Variants in TENM2 observed in about 807,000 individuals in gnomAD.
The protein encoded by TENM2 is teneurin transmembrane protein 2, also known as teneurin-2.
TENM2 carries 52 observed loss-of-function variants against 245.2 expected under a neutral mutation model. The ratio of observed to expected loss-of-function variants is 0.21; its 90% CI spans 0.17 to 0.27. The LOEUF (loss-of-function observed/expected upper bound fraction) is 0.27, where lower values mean the gene tolerates loss of function less well. Among genes scored for constraint, TENM2 ranks in the 10% least tolerant of loss-of-function variants. The probability of loss-of-function intolerance (pLI) is 1.00; values close to 1 mark genes in which losing one functional copy is unlikely to be tolerated. For missense variants in TENM2, 3,046 were observed against 3,666.8 expected (o/e 0.83, Z 4.37); for synonymous variants, 1,363 against 1,438.9 (o/e 0.95, Z 1.19).
intron 2 of TENM2, among the ~76,000 whole-genome samples, chr5:167,537,212 G>A (rs892563292): frequency 7.7e-6 from 1 of 130,344 alleles, no homozygotes; most frequent in Non-Finnish European, 1.5e-5. Flanking sequence ...AGGAGTTTGA[G>A]ACCAGCCTGG....
chr5:168,013,422 G>A (rs1429291361), intron 5 of TENM2, among the ~76,000 whole-genome samples: 1 of 152,158 alleles, frequency 6.6e-6, no homozygotes, highest in Admixed American at 6.5e-5. Flanking sequence ...TGGCCAACAT[G>A]GTGAAACCCC....
At chr5:167,779,669 A>G (rs948250996) in intron 2 of TENM2, among the ~76,000 whole-genome samples, 2 of 152,250 alleles carry the variant, frequency 1.3e-5, no homozygotes, top group Non-Finnish European at 2.9e-5. Context: ...ACTGAGTTTT[A>G]GGATATGTAT....
chr5:168,199,220 A>C, intron 16 of TENM2, 106 bp downstream of exon 18: 2 of 1,208,256 alleles, frequency 1.7e-6, no homozygotes, highest in Non-Finnish European at 2.3e-6. Flanking sequence ...GTAGGGGAGT[A>C]AAAAAAGTGG....
intron 2 of TENM2, among the ~76,000 whole-genome samples, chr5:167,500,209 A>G (rs1470513826): frequency 6.6e-6 from 1 of 152,012 alleles, no homozygotes; most frequent in Admixed American, 6.6e-5. Flanking sequence ...AAAGCCTGAG[A>G]GCAGACGTGG....
chr5:167,311,844 C>T (rs1471395330), intron 1 of TENM2, among the ~76,000 whole-genome samples: 1 of 152,154 alleles, frequency 6.6e-6, no homozygotes, highest in East Asian at 1.9e-4. Context: ...GCCACATATG[C>T]AACAATCCGT....
At chr5:167,966,965 G>A (rs1441404840) in intron 4 of TENM2, 1 of 152,174 alleles carries the variant, frequency 6.6e-6, no homozygotes, top group African/African-American at 2.4e-5. Flanking sequence ...AGCCTTTCAA[G>A]CTCAGCCTTA....
At chr5:167,860,108 G>A in intron 2 of TENM2, among the ~76,000 whole-genome samples, 1 of 70,782 alleles carries the variant, frequency 1.4e-5, no homozygotes, top group African/African-American at 5.3e-5. Flanking sequence ...CGGGAGGTGA[G>A]GGGCGCCTCT....
chr5:166,981,039 CA>C, the TENM2 span, among the ~76,000 whole-genome samples: 6 of 152,008 alleles, frequency 3.9e-5, no homozygotes, highest in African/African-American at 1.4e-4. Flanking sequence ...TCTTCAGCCC[CA>C]AAAAACAAAA....
chr5:167,495,198 C>A (rs1435899935), intron 2 of TENM2, among the ~76,000 whole-genome samples: 1 of 150,640 alleles, frequency 6.6e-6, no homozygotes, highest in Non-Finnish European at 1.5e-5. Context: ...TTTTAAGACC[C>A]AAAGTAATGT....
chr5:168,071,709 A>T (rs542850079), intron 7 of TENM2, among the ~76,000 whole-genome samples: 4 of 152,250 alleles, frequency 2.6e-5, no homozygotes, highest in Admixed American at 2.6e-4. Flanking sequence ...ATATTTTTTA[A>T]TAATTTCCTT....
At chr5:167,493,347 A>G (rs60006712) in intron 2 of TENM2, among the ~76,000 whole-genome samples, 32,634 of 152,068 alleles carry the variant, frequency 0.21, 3,510 homozygotes, top group East Asian at 0.35. Context: ...GGCCATATTT[A>G]TTATGAGCAT....
intron 2 of TENM2, among the ~76,000 whole-genome samples, chr5:167,431,962 T>TATATATATGTATATATATAC (rs1561950455): frequency 5.6e-5 from 7 of 124,118 alleles, no homozygotes; most frequent in African/African-American, 2.4e-4. Context: ...TATATATATG[T>TATATATATGTATATATATAC]ATATATATAT....
At chr5:168,000,292 A>T (rs1291774353) in intron 5 of TENM2, among the ~76,000 whole-genome samples, 1 of 152,186 alleles carries the variant, frequency 6.6e-6, no homozygotes, top group Non-Finnish European at 1.5e-5. Context: ...ATGGACTGTA[A>T]ATTAGTGTTA....
In TENM2 at chr5:167,322,603, C is replaced by CT. The variant is rs1260015832; in HGVS notation, c.226+37549dup. On this transcript the variant is annotated intron_variant, in intron 1 of 28. Transcript: ENST00000518659. ...ACTCTTAATTACCTTTTCCCTCCCCCTTTTTTTTTAAATCTCCCCATTCTT... is the reference window on the plus strand; with the variant it reads ...ACTCTTAATTACCTTTTCCCTCCCCCTTTTTTTTTTAAATCTCCCCATTCTT... Among the ~76,000 whole-genome samples, 195 of 151,524 alleles carry CT rather than the reference C, an allele frequency of 1.3e-3. 1 individual carries two copies. Among genetic ancestry groups the CT allele is most frequent in the African/African-American group, 3.9e-3 (162 of 41,326 alleles).
At chr5:167,343,661 A>G (rs1176584408) in intron 1 of TENM2, among the ~76,000 whole-genome samples, 1 of 152,244 alleles carries the variant, frequency 6.6e-6, no homozygotes, top group African/African-American at 2.4e-5. Context: ...TCAAACTGTA[A>G]TTGATAACTA....
chr5:167,498,648 C>T (rs758614687), intron 2 of TENM2, among the ~76,000 whole-genome samples: 1 of 152,082 alleles, frequency 6.6e-6, no homozygotes, highest in African/African-American at 2.4e-5. Context: ...TGCACTCCAG[C>T]ACTGAACAGA....
At chr5:167,593,220 A>C (rs1235287407) in intron 2 of TENM2, among the ~76,000 whole-genome samples, 1 of 152,158 alleles carries the variant, frequency 6.6e-6, no homozygotes, top group African/African-American at 2.4e-5. Context: ...CTCTCCCTTC[A>C]CTTTAGAGTA....
the TENM2 span, among the ~76,000 whole-genome samples, chr5:166,987,965 C>T: frequency 3.3e-5 from 5 of 152,266 alleles, no homozygotes; most frequent in African/African-American, 1.2e-4. Flanking sequence ...CTGGGATTTA[C>T]TTTCCAAAAC....
At chr5:167,020,427 T>C in the TENM2 span, among the ~76,000 whole-genome samples, 1 of 152,238 alleles carries the variant, frequency 6.6e-6, no homozygotes, top group East Asian at 1.9e-4. Flanking sequence ...GTACTTGATC[T>C]GCCCAAACAT....
Sources: gnomAD v4.1 joint callset for allele counts (sites outside exome capture counted in the v4.1 genomes callset) on GRCh38, gnomAD v4.1.1 for gene constraint, MANE v1.5 for transcripts, NCBI Gene and HGNC (gene_info 2026-07-23, HGNC 2026-07-21) for gene names.